Variants in ECT2 observed in about 807,000 individuals in gnomAD.
The protein encoded by ECT2 is protein ECT2.
Under a neutral mutation model 116.9 loss-of-function variants are expected in ECT2, and 61 were observed. That is an observed-to-expected ratio of 0.52 (90% CI 0.42 to 0.65). ECT2 has a LOEUF of 0.65. ECT2 is among the 30% of genes least tolerant of loss of function. The pLI is 0.00. For missense variants in ECT2, 937 were observed against 1,078.7 expected, an observed-to-expected ratio of 0.87 and a Z score of 1.84; for synonymous variants, 358 against 346.4, an observed-to-expected ratio of 1.03 and a Z score of -0.37.
chr3:172,790,742 A>G (rs1164266136), intron 18 of ECT2, among the ~76,000 whole-genome samples: 3 of 152,234 alleles, frequency 2.0e-5, no homozygotes, highest in Admixed American at 2.0e-4. Flanking sequence ...CATGAAAGCA[A>G]AATTAGTCTC....
At position 172,762,492 on chromosome 3, in the gene ECT2, C is replaced by G; in HGVS notation, c.835C>G (p.Leu279Val). The G allele has an allele frequency of 6.3e-7, 1 of 1,596,870 alleles. No homozygotes were observed. Among genetic ancestry groups the G allele is most frequent in the Non-Finnish European group, 8.5e-7 (1 of 1,175,924 alleles). The stretch of plus-strand genomic sequence containing the variant: ...ATTTCAAGATTGTATTTTAAGTTTC[C>G]TGGGATTTTCAGATGAAGAGAAAAC... The part of the protein sequence containing the change: ...PPFQDCILSF[L>V]GFSDEEKTNM... Residue 279 changes from leucine (L) to valine (V), a missense_variant, in exon 9 of 25, where the codon CTG (leucine) becomes GTG (valine). By Grantham distance (32) the Leu-to-Val change is conservative (BLOSUM62 1). Transcript: ENST00000392692.
At chr3:172,767,647 A>G (rs1488222520) in intron 12 of ECT2, among the ~76,000 whole-genome samples, 2 of 152,184 alleles carry the variant, frequency 1.3e-5, no homozygotes, top group Non-Finnish European at 2.9e-5. Flanking sequence ...TATTCTAACC[A>G]TATTAACAGT....
intron 24 of ECT2, chr3:172,818,375 A>G (rs934556638): frequency 3.6e-6 from 1 of 278,148 alleles, no homozygotes; most frequent in African/African-American, 2.3e-5. Flanking sequence ...TGTAGCAACT[A>G]TTGTAAACAT....
intron 14 of ECT2, among the ~76,000 whole-genome samples, chr3:172,780,005 C>A (rs908138878): frequency 6.6e-6 from 1 of 152,060 alleles, no homozygotes; most frequent in African/African-American, 2.4e-5. Context: ...CACTACCCAC[C>A]CCAAATAAGA....
At chr3:172,790,378 G>A (rs1443679375) in intron 18 of ECT2, among the ~76,000 whole-genome samples, 1 of 152,226 alleles carries the variant, frequency 6.6e-6, no homozygotes, top group East Asian at 1.9e-4. Flanking sequence ...GCTGGCCTCT[G>A]TAACCCCTGT....
At chr3:172,795,061 A>T (rs1213814192) in intron 18 of ECT2, among the ~76,000 whole-genome samples, 1 of 152,076 alleles carries the variant, frequency 6.6e-6, no homozygotes, top group African/African-American at 2.4e-5. Flanking sequence ...CCATTTATTT[A>T]CTTTTAATTT....
intron 18 of ECT2, among the ~76,000 whole-genome samples, chr3:172,789,971 G>A (rs1343579941): frequency 6.6e-6 from 1 of 151,898 alleles, no homozygotes; most frequent in Non-Finnish European, 1.5e-5. Flanking sequence ...TATTAATGTC[G>A]ATGTTTTGAC....
At chr3:172,804,254 A>C (rs1468410743) in intron 20 of ECT2, among the ~76,000 whole-genome samples, 2 of 152,202 alleles carry the variant, frequency 1.3e-5, no homozygotes, top group African/African-American at 4.8e-5. Context: ...CAGAACAGTT[A>C]CAGGTATAAT....
intron 11 of ECT2, among the ~76,000 whole-genome samples, chr3:172,763,729 G>A (rs983975477): frequency 6.6e-6 from 1 of 152,122 alleles, no homozygotes; most frequent in African/African-American, 2.4e-5. Flanking sequence ...AGTCTTTAAG[G>A]GAAGATTTAC....
intron 1 of ECT2, 66 bp from the exon 2 acceptor site, chr3:172,754,443 C>T: frequency 8.7e-7 from 1 of 1,143,132 alleles, no homozygotes; most frequent in Non-Finnish European, 1.2e-6. Context: ...GTAAAAAGAG[C>T]CTCTAATACT....
intron 5 of ECT2, among the ~76,000 whole-genome samples, chr3:172,758,176 C>G (rs1434504448): frequency 6.6e-6 from 1 of 152,076 alleles, no homozygotes; most frequent in African/African-American, 2.4e-5. Flanking sequence ...TGTTTTTAAA[C>G]AGCATTTCAA....
intron 24 of ECT2, among the ~76,000 whole-genome samples, chr3:172,817,326 A>T (rs4243402): frequency 6.6e-6 from 1 of 151,928 alleles, no homozygotes; most frequent in Admixed American, 6.6e-5. Context: ...AGAAAACCCT[A>T]CTATGAATGA....
intron 23 of ECT2, 134 bp from the exon 24 acceptor site, chr3:172,816,557 C>A: frequency 1.6e-6 from 1 of 620,374 alleles, no homozygotes; most frequent in Non-Finnish European, 2.5e-6. Context: ...CTGTTTTGTG[C>A]CAAAGAGATT....
intron 7 of ECT2, among the ~76,000 whole-genome samples, chr3:172,761,109 T>G (rs1718203435): frequency 6.6e-6 from 1 of 152,216 alleles, no homozygotes; most frequent in African/African-American, 2.4e-5. Flanking sequence ...GAGAAAATAC[T>G]CTCACTAGGA....
intron 24 of ECT2, chr3:172,818,964 G>A: frequency 1.7e-6 from 1 of 588,462 alleles, no homozygotes; most frequent in Non-Finnish European, 2.2e-6. Context: ...AGGTTTAATA[G>A]AGTTTCTTAA....
At chr3:172,789,888 CA>C (rs1175534115) in intron 18 of ECT2, among the ~76,000 whole-genome samples, 2 of 152,212 alleles carry the variant, frequency 1.3e-5, no homozygotes, top group Non-Finnish European at 2.9e-5. Flanking sequence ...GCCACATCTG[CA>C]ATTCCTTCTG....
Position 172,797,152 on chromosome 3 carries a change from C to T in ECT2, c.1908-5464C>T, listed in dbSNP as rs552982813. On this transcript the variant is annotated intron_variant, in intron 18 of 24. Transcript: ENST00000392692. ...TCAAGTGATCCTCCTACCTCAGCCT[C>T]CTGAGTAGATGGGCCTACAGGTGTG... 1.6e-4 allele frequency among the ~76,000 whole-genome samples: 25 copies of T among 152,040 alleles called. No homozygotes were observed. In the South Asian group the frequency reaches 1.7e-3, roughly 10 times the overall value.
chr3:172,776,171 C>T (rs1721634214), intron 14 of ECT2, among the ~76,000 whole-genome samples: 1 of 140,896 alleles, frequency 7.1e-6, no homozygotes, highest in Non-Finnish European at 1.5e-5. Context: ...TAAAATGGTA[C>T]TTCAACTATT....
Position 172,757,292 on chromosome 3 carries a change from A to G in ECT2, c.486+127A>G, listed in dbSNP as rs974133611. The G allele has an allele frequency of 1.5e-5, 10 of 652,438 alleles. No individual in the cohort carries two copies. The African/African-American group carries it at 1.9e-4, about 12-fold the overall frequency. The allele number at this position is 652,438 out of a possible 1,614,324, so 40.4% of individuals were successfully genotyped here. ...GCAAAATATTTAGAATAGGAATAAT[A>G]GTGGCTATTCTAATGTGGTCCTTTA... is the stretch of plus-strand genomic sequence containing the variant. On this transcript the variant is annotated intron_variant, in intron 5 of 24. Coordinates refer to ENST00000392692, the MANE Select transcript of ECT2 (RefSeq NM_001258315.2).
Sources: allele counts gnomAD v4.1 joint callset (sites outside exome capture counted in the v4.1 genomes callset), GRCh38; gene constraint gnomAD v4.1.1; transcripts MANE v1.5; gene names NCBI Gene and HGNC (gene_info 2026-07-23, HGNC 2026-07-21).